The following NIPAL3 variants were observed in gnomAD, a reference collection of about 807,000 sequenced individuals.
The protein encoded by NIPAL3 is NIPA-like protein 3.
In NIPAL3, 41 loss-of-function variants were observed where a neutral mutation model predicts 47.2. The observed-to-expected ratio is 0.87, with a 90% CI of 0.68 to 1.13. The LOEUF (loss-of-function observed/expected upper bound fraction) is 1.13. Ranked by LOEUF, NIPAL3 falls within the 50% of genes most tolerant of loss-of-function variation. The probability of loss-of-function intolerance (pLI) is 0.00; values close to 1 mark genes in which losing one functional copy is unlikely to be tolerated. For synonymous variants in NIPAL3, 194 were observed against 209.6 expected (o/e 0.93, Z 0.64); for missense variants, 449 against 530.1 (o/e 0.85, Z 1.50).
rs1371680360 is a variant in NIPAL3 at position 24,464,138 on chromosome 1, TG to T, written c.1021+21del. The stretch of plus-strand genomic sequence containing the variant: ...CATGCCAGGTAAGGTTAAAGCCCCG[TG>T]GGTCTAGCTGAACATCCATATAGAA... On this transcript the variant is annotated intron_variant, in intron 11 of 11. Coordinates refer to ENST00000374399, the MANE Select transcript of NIPAL3 (RefSeq NM_020448.5). The T allele has an allele frequency of 1.3e-6, 2 of 1,595,838 alleles. No individual in the cohort carries two copies. Among genetic ancestry groups the T allele is most frequent in the Admixed American group, 1.7e-5 (1 of 59,698 alleles).
chr1:24,454,681 C>A lies in NIPAL3; in HGVS notation c.637+1177C>A. On this transcript the variant is annotated intron_variant, in intron 7 of 11. Coordinates refer to ENST00000374399, the MANE Select transcript of NIPAL3 (RefSeq NM_020448.5). This position sits in a 1 kb window ranked among gnomAD's most constrained non-coding sequence, Gnocchi z 4.1. ...ATCTAATTTTAGAACATTTTGTCAC[C>A]CCCAAAAGAAACCCTGTGCCCATTA... The A allele has an allele frequency of 1.9e-6, 1 of 515,830 alleles. No individual in the cohort carries two copies. Among genetic ancestry groups the A allele is most frequent in the Non-Finnish European group, 2.5e-6 (1 of 401,144 alleles). 32.0% of individuals were successfully genotyped at this position (515,830 alleles called of 1,614,324 possible).
intron 11 of NIPAL3, among the ~76,000 whole-genome samples, chr1:24,468,558 C>T (rs1201152666): frequency 6.6e-6 from 1 of 152,182 alleles, no homozygotes; most frequent in Non-Finnish European, 1.5e-5. Context: ...GCATCTGTCA[C>T]CTTCAGGTGC....
chr1:24,438,532 C>A (rs774646589), intron 2 of NIPAL3, among the ~76,000 whole-genome samples: 1 of 152,226 alleles, frequency 6.6e-6, no homozygotes, highest in Non-Finnish European at 1.5e-5. Flanking sequence ...CTAAGCCCCG[C>A]GATCTAGGAG....
intron 11 of NIPAL3, chr1:24,465,874 C>G (rs969821642): frequency 7.4e-7 from 1 of 1,355,324 alleles, no homozygotes; most frequent in East Asian, 2.7e-5. Flanking sequence ...GTTTCACACA[C>G]TTGTTTGACC....
intron 2 of NIPAL3, among the ~76,000 whole-genome samples, chr1:24,420,332 C>T (rs1484000920): frequency 2.0e-5 from 3 of 151,916 alleles, no homozygotes; most frequent in Non-Finnish European, 4.4e-5. Context: ...TGATACCCCG[C>T]CTGTACAAAA....
At chr1:24,442,731 G>A (rs1412030127) in intron 4 of NIPAL3, among the ~76,000 whole-genome samples, 4 of 152,106 alleles carry the variant, frequency 2.6e-5, no homozygotes, top group African/African-American at 9.7e-5. Context: ...TGGGAGGATC[G>A]CTTGAGGCCA....
chr1:24,459,026 T>TAA, intron 9 of NIPAL3, 50 bp downstream of exon 9: 1 of 1,535,890 alleles, frequency 6.5e-7, no homozygotes, highest in Non-Finnish European at 9.0e-7. Context: ...AGCAGCAGGG[T>TAA]ATTATCCCAG....
chr1:24,462,578 C>A (rs1646520295), intron 10 of NIPAL3, among the ~76,000 whole-genome samples: 1 of 151,040 alleles, frequency 6.6e-6, no homozygotes, highest in African/African-American at 2.4e-5. Flanking sequence ...ACCAGCCTGA[C>A]CACAGTGGCA....
In NIPAL3 at chr1:24,446,069, C is replaced by CGTGT. The variant is rs58016013; in HGVS notation, c.394+860_394+863dup. Among the ~76,000 whole-genome samples, 102 of 147,838 alleles carry CGTGT rather than the reference C, an allele frequency of 6.9e-4. 2 individuals carry two copies. Among genetic ancestry groups the CGTGT allele is most frequent in the African/African-American group, 1.6e-3 (63 of 40,410 alleles). ...GGCTTCTGCTCACAGAGATTATAGT[C>CGTGT]GTGTGTGTGTGTGTGTGTGTGTGTG... On this transcript the variant is annotated intron_variant, in intron 5 of 11. Transcript: ENST00000374399.
intron 11 of NIPAL3, among the ~76,000 whole-genome samples, chr1:24,468,170 C>G (rs1557542034): frequency 6.6e-6 from 1 of 151,960 alleles, no homozygotes; most frequent in Non-Finnish European, 1.5e-5. Context: ...AAAAAATTAG[C>G]CAGGCATGGT....
At chr1:24,420,939 G>C (rs769889193) in intron 2 of NIPAL3, among the ~76,000 whole-genome samples, 1 of 152,096 alleles carries the variant, frequency 6.6e-6, no homozygotes, top group Non-Finnish European at 1.5e-5. Flanking sequence ...TTTTAACAAG[G>C]GGATTTTAAT....
intron 10 of NIPAL3, among the ~76,000 whole-genome samples, chr1:24,462,868 C>T (rs1019547866): frequency 2.0e-5 from 3 of 152,110 alleles, no homozygotes; most frequent in African/African-American, 4.8e-5. Flanking sequence ...GAGGCTGAGG[C>T]GGGTGGATCA....
intron 3 of NIPAL3, 129 bp from the exon 4 acceptor site, chr1:24,441,926 A>G (rs1645406156): frequency 1.2e-6 from 1 of 840,848 alleles, no homozygotes; most frequent in South Asian, 1.7e-5. Flanking sequence ...TCTCTGAGTC[A>G]GGACTCCACA....
At chr1:24,413,778 A>G (rs903257780), upstream of NIPAL3, 1 of 152,190 alleles carries the variant, frequency 6.6e-6, no homozygotes, top group East Asian at 1.9e-4. Flanking sequence ...CCGCGAGGTA[A>G]CTCCAGCCAA....
At position 24,471,945 on chromosome 1, in the gene NIPAL3, C is replaced by T. The variant is rs1330060267; in HGVS notation, c.*2760C>T. On this transcript the variant is annotated 3_prime_UTR_variant, in exon 12 of 12. Transcript: ENST00000374399. Reference sequence around the variant, plus strand: ...GGAGGCTATTTAGATGTGTCAAACCCGGGTGATCATTAATAATTTGGGCAT... The same window carrying T: ...GGAGGCTATTTAGATGTGTCAAACCTGGGTGATCATTAATAATTTGGGCAT... 4.0e-5 allele frequency: 6 copies of T among 151,122 alleles called. No individual in the cohort carries two copies. Among genetic ancestry groups the T allele is most frequent in the Non-Finnish European group, 7.4e-5 (5 of 67,954 alleles). 9.4% of individuals were successfully genotyped at this position (151,122 alleles called of 1,614,324 possible). A position where few individuals can be genotyped will look rare whatever the true frequency, so the allele number is the denominator to read the frequency against.
chr1:24,469,242 G>A lies in NIPAL3; in HGVS notation c.*57G>A. 1 of 1,460,676 alleles carries A rather than the reference G, an allele frequency of 6.8e-7. No individual in the cohort carries two copies. Among genetic ancestry groups the A allele is most frequent in the South Asian group, 1.2e-5 (1 of 82,312 alleles). The allele number at this position is 1,460,676 out of a possible 1,614,324, so 90.5% of individuals were successfully genotyped here. A position where few individuals can be genotyped will look rare whatever the true frequency, so the allele number is the denominator to read the frequency against. On this transcript the variant is annotated 3_prime_UTR_variant, in exon 12 of 12. Transcript: ENST00000374399. ...TCCAGGCTGACAGTGGTTCAACCCT[G>A]AATCCTAAAACTTGCCTTTCAAGTC...
intron 10 of NIPAL3, 142 bp downstream of exon 10, chr1:24,460,686 G>T: frequency 1.6e-6 from 1 of 611,400 alleles, no homozygotes; most frequent in Non-Finnish European, 2.7e-6. Context: ...TGTCCCCAGA[G>T]GTGAGCGTTT....
intron 5 of NIPAL3, among the ~76,000 whole-genome samples, chr1:24,448,060 G>T (rs968673604): frequency 2.6e-5 from 4 of 152,216 alleles, no homozygotes; most frequent in African/African-American, 9.7e-5. Context: ...GAGTTTAACC[G>T]TGGCTCATTC....
chr1:24,443,477 C>T (rs1038630059), intron 4 of NIPAL3, among the ~76,000 whole-genome samples: 1 of 152,150 alleles, frequency 6.6e-6, no homozygotes, highest in African/African-American at 2.4e-5. Context: ...TAACTATGTG[C>T]CCCTCCCTTG....
Sources: allele counts gnomAD v4.1 joint callset (sites outside exome capture counted in the v4.1 genomes callset), GRCh38; gene constraint gnomAD v4.1.1; non-coding constraint Gnocchi (gnomAD v3.1); transcripts MANE v1.5; gene names NCBI Gene and HGNC (gene_info 2026-07-23, HGNC 2026-07-21).